The following IFNGR2 variants were observed in gnomAD, a reference collection of about 807,000 sequenced individuals.
IFNGR2 encodes IFN-gamma receptor 2.
In IFNGR2, 15 loss-of-function variants were observed where a neutral mutation model predicts 41.1. The observed-to-expected ratio is 0.37, with a 90% confidence interval of 0.24 to 0.56. IFNGR2 has a LOEUF of 0.56. Ranked by LOEUF, IFNGR2 falls within the 20% of genes least tolerant of loss-of-function variation. IFNGR2 has a pLI of 0.81. For missense variants in IFNGR2, 362 were observed against 415.7 expected (o/e 0.87, Z 1.12); for synonymous variants, 161 against 171.6 (o/e 0.94, Z 0.48).
intron 6 of IFNGR2, among the ~76,000 whole-genome samples, chr21:33,435,011 T>A (rs2083930942): frequency 6.6e-6 from 1 of 152,212 alleles, no homozygotes; most frequent in South Asian, 2.1e-4. Flanking sequence ...ATGTTTCACT[T>A]ATAATTCTGG....
At chr21:33,414,413 TC>T (rs1439026764) in intron 1 of IFNGR2, among the ~76,000 whole-genome samples, 6 of 152,220 alleles carry the variant, frequency 3.9e-5, no homozygotes, top group African/African-American at 1.4e-4. Flanking sequence ...ACCAGACACT[TC>T]CTTGGTACTA....
chr21:33,410,497 T>G (rs1375593349), intron 1 of IFNGR2, among the ~76,000 whole-genome samples: 1 of 146,006 alleles, frequency 6.8e-6, no homozygotes, highest in Non-Finnish European at 1.5e-5. Context: ...AGACAGAGTC[T>G]CGCTCTTGTC....
intron 4 of IFNGR2, among the ~76,000 whole-genome samples, chr21:33,428,563 A>AG (rs982509290): frequency 2.4e-4 from 37 of 152,144 alleles, no homozygotes; most frequent in African/African-American, 7.7e-4. Context: ...GAAACTGGGA[A>AG]GAGTGAGACT....
chr21:33,421,444 G>T lies in IFNGR2; in HGVS notation c.207-36G>T, dbSNP rs557323746. ...GGGAAACTATTACACATGAAACAGAGAATTCTGTGAATTGAAATCCTTTTT... is the reference window on the plus strand; with the variant it reads ...GGGAAACTATTACACATGAAACAGATAATTCTGTGAATTGAAATCCTTTTT... On this transcript the variant is annotated intron_variant, in intron 2 of 6. Transcript: ENST00000290219. 2.6e-6 allele frequency: 4 copies of T among 1,541,398 alleles called. No homozygotes were observed. In the Admixed American group the frequency reaches 6.7e-5, roughly 26 times the overall value.
At chr21:33,428,621 T>C (rs542670090) in intron 4 of IFNGR2, among the ~76,000 whole-genome samples, 2 of 152,106 alleles carry the variant, frequency 1.3e-5, no homozygotes, top group Non-Finnish European at 2.9e-5. Flanking sequence ...AAATCATTTC[T>C]CCATATCAGA....
At chr21:33,417,979 T>C in intron 2 of IFNGR2, among the ~76,000 whole-genome samples, 1 of 152,316 alleles carries the variant, frequency 6.6e-6, no homozygotes, top group East Asian at 1.9e-4. Flanking sequence ...AAAAGCATTT[T>C]ATAGATATTT....
intron 1 of IFNGR2, among the ~76,000 whole-genome samples, chr21:33,414,361 C>T (rs116391650): frequency 8.4e-6 from 1 of 119,750 alleles, no homozygotes; most frequent in East Asian, 2.1e-4. Context: ...TGTGTTTTTG[C>T]GTGTGTAGTG....
intron 3 of IFNGR2, among the ~76,000 whole-genome samples, chr21:33,424,419 G>A (rs2083819058): frequency 6.6e-6 from 1 of 152,218 alleles, no homozygotes; most frequent in African/African-American, 2.4e-5. Context: ...TCCGGCCGGA[G>A]TCAAGCACCC....
intron 1 of IFNGR2, among the ~76,000 whole-genome samples, chr21:33,406,335 A>G (rs2083677429): frequency 6.6e-6 from 1 of 152,084 alleles, no homozygotes; most frequent in South Asian, 2.1e-4. Context: ...AAATCATGCA[A>G]CTGCACTCCA....
intron 3 of IFNGR2, 145 bp from the exon 4 acceptor site, chr21:33,426,739 G>T (rs1441203167): frequency 2.0e-5 from 9 of 459,966 alleles, no homozygotes; most frequent in African/African-American, 6.3e-5. Flanking sequence ...AATAAATAAA[G>T]AGATAGATAA....
intron 3 of IFNGR2, among the ~76,000 whole-genome samples, chr21:33,423,669 T>C (rs2083813461): frequency 6.6e-6 from 1 of 152,076 alleles, no homozygotes; most frequent in African/African-American, 2.4e-5. Flanking sequence ...CCCAAAGTGC[T>C]AGGATTACAG....
intron 4 of IFNGR2, among the ~76,000 whole-genome samples, chr21:33,431,784 T>C (rs1380704606): frequency 6.6e-6 from 1 of 152,214 alleles, no homozygotes; most frequent in East Asian, 1.9e-4. Flanking sequence ...TTGGCCAGGC[T>C]GGTCTCTTAA....
intron 3 of IFNGR2, among the ~76,000 whole-genome samples, chr21:33,422,319 T>C (rs896014034): frequency 1.3e-5 from 2 of 152,226 alleles, no homozygotes; most frequent in East Asian, 3.8e-4. Context: ...TAGTCAGCCA[T>C]GCCAGATGTT....
intron 2 of IFNGR2, among the ~76,000 whole-genome samples, chr21:33,416,018 G>A (rs981581848): frequency 5.9e-5 from 9 of 152,262 alleles, no homozygotes; most frequent in Admixed American, 5.9e-4. Context: ...ACCATGGCTG[G>A]CTAATAGGTA....
chr21:33,417,306 C>G lies in IFNGR2; in HGVS notation c.206+2286C>G, dbSNP rs1005185960. 1.2e-4 allele frequency among the ~76,000 whole-genome samples: 18 copies of G among 152,118 alleles called. No individual in the cohort carries two copies. In the East Asian group the frequency reaches 3.3e-3, roughly 28 times the overall value. On this transcript the variant is annotated intron_variant, in intron 2 of 6. Coordinates refer to ENST00000290219, the MANE Select transcript of IFNGR2 (RefSeq NM_005534.4). The stretch of plus-strand genomic sequence containing the variant: ...GGTTTTGCCATGTTGCCCAGGCTGG[C>G]CTCGAACTCCTGGGCTCAAGTGATC...
intron 2 of IFNGR2, among the ~76,000 whole-genome samples, chr21:33,419,287 T>C (rs139850532): frequency 4.6e-5 from 7 of 152,136 alleles, no homozygotes; most frequent in South Asian, 2.1e-4. Flanking sequence ...TTTGTATTTT[T>C]AGTAGAGATG....
intron 1 of IFNGR2, among the ~76,000 whole-genome samples, chr21:33,414,624 T>C (rs552804256): frequency 6.6e-5 from 10 of 152,150 alleles, no homozygotes; most frequent in Non-Finnish European, 1.5e-4. Context: ...CAGGACCTGT[T>C]CGTAACAACT....
intron 3 of IFNGR2, among the ~76,000 whole-genome samples, chr21:33,423,433 C>T (rs2083811538): frequency 6.6e-6 from 1 of 151,880 alleles, no homozygotes; most frequent in Admixed American, 6.6e-5. Context: ...TGCACTGTCG[C>T]CCAGGCTGGC....
intron 4 of IFNGR2, among the ~76,000 whole-genome samples, chr21:33,431,960 C>T (rs2083892201): frequency 6.6e-6 from 1 of 152,232 alleles, no homozygotes; most frequent in Non-Finnish European, 1.5e-5. Flanking sequence ...ACCTCACAGC[C>T]AGAAACACAG....
Sources: allele counts gnomAD v4.1 joint callset (sites outside exome capture counted in the v4.1 genomes callset), GRCh38; gene constraint gnomAD v4.1.1; transcripts MANE v1.5; gene names NCBI Gene and HGNC (gene_info 2026-07-23, HGNC 2026-07-21).